Variants in CDH18 observed in about 807,000 individuals in gnomAD.
The protein encoded by CDH18 is cadherin-18.
A neutral mutation model predicts 67.9 loss-of-function variants in CDH18; 31 were observed. That is an observed-to-expected ratio of 0.46 (90% CI 0.34 to 0.62). CDH18 has a LOEUF of 0.62. Ranked by LOEUF, CDH18 falls within the 20% of genes least tolerant of loss-of-function variation. The probability of loss-of-function intolerance (pLI) is 0.01; values close to 1 mark genes in which losing one functional copy is unlikely to be tolerated. For missense variants in CDH18, 890 were observed against 975.5 expected (o/e 0.91, Z 1.17); for synonymous variants, 362 against 347.2 (o/e 1.04, Z -0.48).
At chr5:20,403,047 G>A (rs1345720706) in intron 1 of CDH18, among the ~76,000 whole-genome samples, 2 of 151,468 alleles carry the variant, frequency 1.3e-5, no homozygotes, top group African/African-American at 2.4e-5. Flanking sequence ...GCGAGGTGTG[G>A]TGGCACACAC....
intron 1 of CDH18, among the ~76,000 whole-genome samples, chr5:20,291,081 ATATT>A (rs1375081070): frequency 1.3e-5 from 2 of 152,184 alleles, no homozygotes; most frequent in African/African-American, 4.8e-5. Context: ...GCTTCCAGAG[ATATT>A]TATTCATGTC....
intron 2 of CDH18, among the ~76,000 whole-genome samples, chr5:19,994,828 G>GC (rs1735837686): frequency 1.4e-4 from 4 of 28,650 alleles, no homozygotes; most frequent in Non-Finnish European, 1.7e-4. Context: ...TATATAAAGA[G>GC]AATATATATA....
intron 1 of CDH18, among the ~76,000 whole-genome samples, chr5:20,471,096 G>A (rs762799798): frequency 4.7e-4 from 70 of 150,064 alleles, no homozygotes; most frequent in Admixed American, 1.8e-3. Flanking sequence ...CTTAAAGTGG[G>A]TATTCTTCTC....
chr5:19,817,681 T>C (rs1367386857), intron 3 of CDH18, among the ~76,000 whole-genome samples: 1 of 152,088 alleles, frequency 6.6e-6, no homozygotes, highest in African/African-American at 2.4e-5. Flanking sequence ...ATCATTCTAC[T>C]AGGCAGGCAC....
intron 1 of CDH18, among the ~76,000 whole-genome samples, chr5:20,268,965 A>G (rs1745243227): frequency 6.6e-6 from 1 of 152,214 alleles, no homozygotes; most frequent in Non-Finnish European, 1.5e-5. Flanking sequence ...AAATATTTGC[A>G]AACTATTTCT....
chr5:20,119,357 G>T (rs957189894), intron 2 of CDH18, among the ~76,000 whole-genome samples: 19 of 151,946 alleles, frequency 1.3e-4, no homozygotes, highest in African/African-American at 4.4e-4. Context: ...TGCATCTGTG[G>T]TATTTTTTCT....
At chr5:20,241,143 C>G (rs1417591580) in intron 2 of CDH18, among the ~76,000 whole-genome samples, 2 of 152,106 alleles carry the variant, frequency 1.3e-5, no homozygotes, top group Admixed American at 6.5e-5. Context: ...AAAAAAGTGT[C>G]TTATTTATGG....
chr5:20,479,935 C>T (rs1752680155), intron 1 of CDH18, among the ~76,000 whole-genome samples: 1 of 152,080 alleles, frequency 6.6e-6, no homozygotes, highest in South Asian at 2.1e-4. Flanking sequence ...TGTCTGGCAG[C>T]AGACTTTTCA....
At chr5:19,661,468 A>G (rs1174040860) in intron 5 of CDH18, among the ~76,000 whole-genome samples, 2 of 151,982 alleles carry the variant, frequency 1.3e-5, no homozygotes, top group Non-Finnish European at 2.9e-5. Flanking sequence ...TTAAAATAAA[A>G]TAATATTTAA....
At chr5:19,939,414 A>G (rs2150226212) in intron 2 of CDH18, among the ~76,000 whole-genome samples, 1 of 151,790 alleles carries the variant, frequency 6.6e-6, no homozygotes, top group East Asian at 1.9e-4. Context: ...CTTTTATTAT[A>G]TACTTATTTA....
At chr5:19,920,510 CTTT>C (rs66464033) in intron 2 of CDH18, among the ~76,000 whole-genome samples, 10 of 82,994 alleles carry the variant, frequency 1.2e-4, no homozygotes, top group African/African-American at 3.2e-4. Flanking sequence ...TTTAACCTTA[CTTT>C]TTTTTTTTTT....
intron 1 of CDH18, among the ~76,000 whole-genome samples, chr5:20,544,674 T>C (rs770858289): frequency 4.6e-5 from 7 of 152,136 alleles, no homozygotes; most frequent in Non-Finnish European, 8.8e-5. Flanking sequence ...ACCACTCCCA[T>C]AATCCAATCA....
intron 2 of CDH18, among the ~76,000 whole-genome samples, chr5:20,004,750 A>T (rs554403253): frequency 1.3e-5 from 2 of 152,242 alleles, no homozygotes; most frequent in Non-Finnish European, 2.9e-5. Flanking sequence ...ATAAAGAAGA[A>T]AAGACTTAAA....
At chr5:19,904,417 A>AGAAGG (rs1333398112) in intron 2 of CDH18, among the ~76,000 whole-genome samples, 6 of 150,170 alleles carry the variant, frequency 4.0e-5, no homozygotes, top group East Asian at 2.0e-4. Context: ...GGAAAGGAAG[A>AGAAGG]GAAGGGAAGG....
chr5:19,690,524 A>T (rs1761723007), intron 5 of CDH18, among the ~76,000 whole-genome samples: 3 of 151,706 alleles, frequency 2.0e-5, no homozygotes. Context: ...TTTTAAAAAG[A>T]TAAAGTCAGT....
upstream of CDH18, among the ~76,000 whole-genome samples, chr5:19,988,910 T>C (rs998893750): frequency 2.6e-5 from 4 of 152,156 alleles, no homozygotes; most frequent in Non-Finnish European, 5.9e-5. Context: ...AGCATTTATA[T>C]TTGTGAAGAC....
At chr5:20,234,446 T>A (rs1017845258) in intron 2 of CDH18, among the ~76,000 whole-genome samples, 2 of 152,082 alleles carry the variant, frequency 1.3e-5, no homozygotes, top group African/African-American at 4.8e-5. Context: ...TCAGTTCCCA[T>A]GAATGTGATT....
At chr5:19,837,489 T>C (rs988151101) in intron 3 of CDH18, among the ~76,000 whole-genome samples, 2 of 152,186 alleles carry the variant, frequency 1.3e-5, no homozygotes, top group African/African-American at 4.8e-5. Flanking sequence ...TTGATGTTAT[T>C]ACATTTTTAA....
chr5:19,707,734 A>G (rs1224672254), intron 5 of CDH18, among the ~76,000 whole-genome samples: 3 of 152,190 alleles, frequency 2.0e-5, no homozygotes, highest in African/African-American at 7.2e-5. Flanking sequence ...ATCTGCTCCT[A>G]TAACTGAGGC....
Sources: allele counts gnomAD v4.1 joint callset (sites outside exome capture counted in the v4.1 genomes callset), GRCh38; gene constraint gnomAD v4.1.1; transcripts MANE v1.5; gene names NCBI Gene and HGNC (gene_info 2026-07-23, HGNC 2026-07-21).